The following AGBL4 variants were observed in gnomAD, a reference collection of about 807,000 sequenced individuals.
AGBL4 encodes the protein AGBL carboxypeptidase 4.
AGBL4 carries 58 observed loss-of-function variants against 66.4 expected under a neutral mutation model. That is an observed-to-expected ratio of 0.87 (90% CI 0.71 to 1.09). The LOEUF is 1.09. Ranked by LOEUF, AGBL4 falls within the 50% of genes least tolerant of loss-of-function variation. The pLI is 0.00. For synonymous variants in AGBL4, 234 were observed against 222.9 expected (o/e 1.05, Z -0.44); for missense variants, 579 against 631.0 (o/e 0.92, Z 0.88).
chr1:49,583,508 A>G (rs544751321), intron 3 of AGBL4, among the ~76,000 whole-genome samples: 3 of 152,276 alleles, frequency 2.0e-5, no homozygotes, highest in Admixed American at 6.5e-5. Flanking sequence ...TCAAACATCA[A>G]TGTGGGTAAT....
At chr1:49,601,983 A>G (rs1371578608) in intron 3 of AGBL4, among the ~76,000 whole-genome samples, 1 of 152,212 alleles carries the variant, frequency 6.6e-6, no homozygotes, top group Non-Finnish European at 1.5e-5. Context: ...CAGAATCCAC[A>G]AAGAATTTAA....
chr1:49,713,283 A>T (rs2124665270), intron 2 of AGBL4, among the ~76,000 whole-genome samples: 1 of 152,140 alleles, frequency 6.6e-6, no homozygotes. Context: ...CTTAACAATA[A>T]CTGATGTGCC....
At chr1:49,006,134 A>T (rs1418495112) in intron 5 of AGBL4, among the ~76,000 whole-genome samples, 1 of 152,116 alleles carries the variant, frequency 6.6e-6, no homozygotes, top group African/African-American at 2.4e-5. Flanking sequence ...CTCACTAGGG[A>T]GTGCCAGACA....
intron 4 of AGBL4, among the ~76,000 whole-genome samples, chr1:49,090,983 G>A (rs1020978699): frequency 6.6e-5 from 10 of 152,064 alleles, no homozygotes; most frequent in African/African-American, 1.7e-4. Context: ...AGCAAACAAC[G>A]GGAAAAGGAC....
At chr1:49,428,983 T>C (rs551282477) in intron 3 of AGBL4, among the ~76,000 whole-genome samples, 28 of 152,368 alleles carry the variant, frequency 1.8e-4, no homozygotes, top group Non-Finnish European at 4.1e-4. Flanking sequence ...ACTGAGTAGT[T>C]CTTGATGAGC....
intron 3 of AGBL4, among the ~76,000 whole-genome samples, chr1:49,567,173 G>A (rs1180917948): frequency 2.6e-5 from 4 of 152,216 alleles, no homozygotes; most frequent in African/African-American, 4.8e-5. Flanking sequence ...GGGTGGGAGT[G>A]ACCCGATTTT....
Position 49,076,777 on chromosome 1 carries a change from T to G in AGBL4, c.378-30977A>C, listed in dbSNP as rs1263327222. On this transcript the variant is annotated intron_variant, in intron 4 of 13. Transcript: ENST00000371839. Reference sequence around the variant, plus strand: ...ATTGTGGGTTGGCACAGACTAAATATTTAAAAGCTTCCCACAGTGCTCTAG... The same window carrying G: ...ATTGTGGGTTGGCACAGACTAAATAGTTAAAAGCTTCCCACAGTGCTCTAG... 3.9e-5 allele frequency among the ~76,000 whole-genome samples: 6 copies of G among 152,264 alleles called. No homozygotes were observed. In the East Asian group the frequency reaches 1.2e-3, roughly 29 times the overall value.
chr1:49,687,050 A>G (rs1352598947), intron 3 of AGBL4, among the ~76,000 whole-genome samples: 1 of 152,216 alleles, frequency 6.6e-6, no homozygotes, highest in Admixed American at 6.5e-5. Context: ...ACTGGATAAG[A>G]ACTAGATCAT....
chr1:48,523,618 C>T, the AGBL4 span, among the ~76,000 whole-genome samples: 1 of 152,184 alleles, frequency 6.6e-6, no homozygotes, highest in Non-Finnish European at 1.5e-5. Context: ...TGAATTAAGG[C>T]ATGTATGGCA....
At chr1:48,540,562 C>T (rs17372995) in intron 11 of AGBL4, among the ~76,000 whole-genome samples, 5,100 of 152,174 alleles carry the variant, frequency 0.034, 133 homozygotes, top group Non-Finnish European at 0.054. Context: ...CCAGGATATT[C>T]TTCTCCTCTC....
At chr1:49,730,015 G>A (rs1231670277) in intron 2 of AGBL4, among the ~76,000 whole-genome samples, 1 of 152,084 alleles carries the variant, frequency 6.6e-6, no homozygotes, top group African/African-American at 2.4e-5. Flanking sequence ...TCTGGATAAT[G>A]GTTTTTAACC....
intron 4 of AGBL4, among the ~76,000 whole-genome samples, chr1:49,100,764 A>T (rs1328836097): frequency 6.6e-6 from 1 of 152,188 alleles, no homozygotes; most frequent in Non-Finnish European, 1.5e-5. Context: ...GGGCTCCAGG[A>T]AGTAACACCA....
At chr1:48,710,826 A>G (rs557064207) in intron 6 of AGBL4, among the ~76,000 whole-genome samples, 1 of 152,292 alleles carries the variant, frequency 6.6e-6, no homozygotes, top group East Asian at 1.9e-4. Context: ...AACCAGATAT[A>G]AAACCATTAT....
intron 5 of AGBL4, among the ~76,000 whole-genome samples, chr1:48,907,467 G>T (rs1415587961): frequency 6.6e-6 from 1 of 152,176 alleles, no homozygotes. Context: ...TATGACCATA[G>T]TTTATTATTA....
intron 6 of AGBL4, among the ~76,000 whole-genome samples, chr1:48,791,322 G>C (rs1378828369): frequency 6.6e-6 from 1 of 152,194 alleles, no homozygotes; most frequent in African/African-American, 2.4e-5. Flanking sequence ...TTTTAGCTGA[G>C]GAGGGGGGTG....
At chr1:49,303,454 T>TATTTATTTATTTATTTA (rs1476057141) in intron 3 of AGBL4, among the ~76,000 whole-genome samples, 3 of 151,094 alleles carry the variant, frequency 2.0e-5, no homozygotes, top group Non-Finnish European at 4.4e-5. Flanking sequence ...AAATGTCTTT[T>TATTTATTTATTTATTTA]ATTTATTTAT....
chr1:48,813,535 G>A (rs562021022), intron 6 of AGBL4, among the ~76,000 whole-genome samples: 1 of 152,282 alleles, frequency 6.6e-6, no homozygotes, highest in East Asian at 1.9e-4. Flanking sequence ...CATCTAAAGG[G>A]AGCCTAGGCT....
chr1:49,856,482 A>T (rs78178524), intron 1 of AGBL4, among the ~76,000 whole-genome samples: 4 of 152,128 alleles, frequency 2.6e-5, no homozygotes, highest in African/African-American at 9.7e-5. Flanking sequence ...TTATCAACAA[A>T]ATATTAGCTA....
At chr1:49,318,539 T>G (rs1031126469) in intron 3 of AGBL4, among the ~76,000 whole-genome samples, 5 of 152,034 alleles carry the variant, frequency 3.3e-5, no homozygotes, top group African/African-American at 1.2e-4. Flanking sequence ...GGTAGGAAAC[T>G]GAGGCAGATA....
Sources: allele counts gnomAD v4.1 joint callset (sites outside exome capture counted in the v4.1 genomes callset), GRCh38; gene constraint gnomAD v4.1.1; transcripts MANE v1.5; gene names NCBI Gene and HGNC (gene_info 2026-07-23, HGNC 2026-07-21).